SORCS2: variants seen among roughly 807,000 people sequenced by gnomAD.
SORCS2 encodes the protein VPS10 domain-containing receptor SorCS2.
A neutral mutation model predicts 141.6 loss-of-function variants in SORCS2; 100 were observed. That is an observed-to-expected ratio of 0.71 (90% CI 0.60 to 0.83). SORCS2 has a LOEUF of 0.83. Ranked by LOEUF, SORCS2 falls within the 40% of genes least tolerant of loss-of-function variation. SORCS2 has a pLI of 0.00. For synonymous variants in SORCS2, 789 were observed against 676.9 expected (o/e 1.17, Z -2.57); for missense variants, 1,646 against 1,560.2 (o/e 1.05, Z -0.93).
At chr4:7,405,867 G>A (rs1193785888) in intron 2 of SORCS2, among the ~76,000 whole-genome samples, 1 of 151,992 alleles carries the variant, frequency 6.6e-6, no homozygotes, top group Non-Finnish European at 1.5e-5. Flanking sequence ...AAGACTTCCA[G>A]TACCATGTTG....
At chr4:7,521,493 C>T (rs1248837269) in intron 2 of SORCS2, among the ~76,000 whole-genome samples, 1 of 152,196 alleles carries the variant, frequency 6.6e-6, no homozygotes, top group Non-Finnish European at 1.5e-5. Context: ...CACCTTAGTT[C>T]CCTCTTCCTC....
At chr4:7,476,695 G>C (rs1004798921) in intron 2 of SORCS2, among the ~76,000 whole-genome samples, 1 of 152,130 alleles carries the variant, frequency 6.6e-6, no homozygotes, top group Non-Finnish European at 1.5e-5. Context: ...CCTCCTGCTA[G>C]GAGTCCCTCT....
At chr4:7,523,829 T>C (rs1438648738) in intron 2 of SORCS2, among the ~76,000 whole-genome samples, 2 of 152,012 alleles carry the variant, frequency 1.3e-5, no homozygotes, top group Non-Finnish European at 2.9e-5. Flanking sequence ...TCCACCGTGT[T>C]CCTCGAAGCC....
intron 2 of SORCS2, among the ~76,000 whole-genome samples, chr4:7,428,036 C>A (rs535007657): frequency 6.6e-6 from 1 of 152,264 alleles, no homozygotes; most frequent in East Asian, 1.9e-4. Context: ...TGGGGGCACC[C>A]ATCTCCCTGA....
intron 3 of SORCS2, among the ~76,000 whole-genome samples, chr4:7,630,584 G>A (rs917617943): frequency 6.6e-6 from 1 of 152,172 alleles, no homozygotes; most frequent in East Asian, 1.9e-4. Context: ...ACTTTCTCCT[G>A]AAACACCAGG....
chr4:7,483,675 G>A (rs1018037766), intron 2 of SORCS2, among the ~76,000 whole-genome samples: 5 of 151,868 alleles, frequency 3.3e-5, no homozygotes, highest in Non-Finnish European at 5.9e-5. Flanking sequence ...GGCTTACAAC[G>A]TCCTGGGAGG....
intron 1 of SORCS2, among the ~76,000 whole-genome samples, chr4:7,219,556 A>AG (rs1728571487): frequency 6.6e-6 from 1 of 152,216 alleles, no homozygotes; most frequent in African/African-American, 2.4e-5. Context: ...TCATGGTGGA[A>AG]GGGGAAGCAA....
At chr4:7,366,471 C>A (rs1330451763) in intron 1 of SORCS2, among the ~76,000 whole-genome samples, 1 of 14,096 alleles carries the variant, frequency 7.1e-5, no homozygotes, top group Non-Finnish European at 2.7e-4. Context: ...TTTAGCGTGC[C>A]CCTCCCCCCC....
intron 3 of SORCS2, among the ~76,000 whole-genome samples, chr4:7,584,580 G>A (rs1449725822): frequency 6.6e-6 from 1 of 152,182 alleles, no homozygotes; most frequent in Non-Finnish European, 1.5e-5. Context: ...TTTTCTGAGT[G>A]ACGAGTCTCT....
At chr4:7,372,260 A>G (rs3864207) in intron 1 of SORCS2, among the ~76,000 whole-genome samples, 89,436 of 152,100 alleles carry the variant, frequency 0.59, 26,531 homozygotes, top group Middle Eastern at 0.61. Flanking sequence ...TTTTCTTTAA[A>G]GTTAGGTTTA....
At chr4:7,444,583 G>A (rs1453430790) in intron 2 of SORCS2, among the ~76,000 whole-genome samples, 5 of 152,190 alleles carry the variant, frequency 3.3e-5, no homozygotes, top group African/African-American at 9.7e-5. Context: ...AAGGCGCCAC[G>A]GTCAGAGGGA....
chr4:7,639,028 G>A (rs981008530), intron 4 of SORCS2, among the ~76,000 whole-genome samples: 2 of 152,110 alleles, frequency 1.3e-5, no homozygotes, highest in Non-Finnish European at 2.9e-5. Flanking sequence ...GGAGCGGGGG[G>A]CCAGCCTGGT....
chr4:7,519,307 C>T (rs944413500), intron 2 of SORCS2, among the ~76,000 whole-genome samples: 11 of 152,228 alleles, frequency 7.2e-5, no homozygotes, highest in African/African-American at 2.2e-4. Flanking sequence ...CCACCTTGTG[C>T]CATTTTAAGA....
intron 1 of SORCS2, among the ~76,000 whole-genome samples, chr4:7,369,247 GT>G (rs1315752960): frequency 6.6e-6 from 1 of 152,310 alleles, no homozygotes; most frequent in African/African-American, 2.4e-5. Flanking sequence ...GGAGGTGGAG[GT>G]TGCAGTGATC....
At chr4:7,242,981 G>A (rs1251356630) in intron 1 of SORCS2, among the ~76,000 whole-genome samples, 1 of 152,226 alleles carries the variant, frequency 6.6e-6, no homozygotes, top group African/African-American at 2.4e-5. Flanking sequence ...ACACATGCTG[G>A]TGAGTTTCCA....
intron 1 of SORCS2, among the ~76,000 whole-genome samples, chr4:7,258,884 A>G (rs1192010502): frequency 3.9e-5 from 6 of 152,170 alleles, no homozygotes; most frequent in Non-Finnish European, 8.8e-5. Flanking sequence ...AGTGATGATG[A>G]GCATTTTTTT....
At chr4:7,723,914 T>C in intron 19 of SORCS2, 31 bp downstream of exon 19, 1 of 1,562,302 alleles carries the variant, frequency 6.4e-7, no homozygotes, top group East Asian at 2.3e-5. Context: ...AGGCCAAAGG[T>C]CACTCCCTTT....
intron 1 of SORCS2, among the ~76,000 whole-genome samples, chr4:7,332,212 G>A (rs1013234253): frequency 5.9e-5 from 9 of 152,230 alleles, no homozygotes; most frequent in Admixed American, 1.3e-4. Flanking sequence ...GATGTGGGGG[G>A]CTCTCAGCCA....
rs918074593 is a variant in SORCS2, at chr4:7,462,204, C to G, written c.548+65849C>G. The stretch of plus-strand genomic sequence containing the variant: ...TAAGGCTGTGCTGGGCGCCAGCTCT[C>G]CTGCCCGGTGCTTCACGCAGGGACA... On this transcript the variant is annotated intron_variant, in intron 2 of 26. Transcript: ENST00000507866. 2.6e-5 allele frequency among the ~76,000 whole-genome samples: 4 copies of G among 152,182 alleles called. No individual in the cohort carries two copies. In the South Asian group the frequency reaches 8.3e-4, roughly 32 times the overall value.
Sources: allele counts gnomAD v4.1 joint callset (sites outside exome capture counted in the v4.1 genomes callset), GRCh38; gene constraint gnomAD v4.1.1; transcripts MANE v1.5; gene names NCBI Gene and HGNC (gene_info 2026-07-23, HGNC 2026-07-21).